RBFOX2: variants seen among roughly 807,000 people sequenced by gnomAD.
RBFOX2 encodes RNA binding protein fox-1 homolog 2.
A neutral mutation model predicts 49.1 loss-of-function variants in RBFOX2; 10 were observed. That is an observed-to-expected ratio of 0.20 (90% confidence interval 0.13 to 0.35). The LOEUF (loss-of-function observed/expected upper bound fraction) is 0.35. Among genes scored for constraint, RBFOX2 ranks in the 10% least tolerant of loss-of-function variants. The pLI is 1.00. For synonymous variants in RBFOX2, 183 were observed against 187.4 expected (o/e 0.98, Z 0.19); for missense variants, 323 against 486.9 (o/e 0.66, Z 3.17).
intron 1 of RBFOX2, among the ~76,000 whole-genome samples, chr22:35,945,253 A>C (rs2054148944): frequency 6.6e-6 from 1 of 152,226 alleles, no homozygotes; most frequent in Non-Finnish European, 1.5e-5. Flanking sequence ...GACTAAAAAA[A>C]AGCAAATCAA....
intron 1 of RBFOX2, among the ~76,000 whole-genome samples, chr22:35,951,219 G>T (rs1347137772): frequency 4.2e-5 from 6 of 143,666 alleles, no homozygotes; most frequent in African/African-American, 1.6e-4. Context: ...CTCCCAAAGT[G>T]CTGGGATTAC....
intron 1 of RBFOX2, among the ~76,000 whole-genome samples, chr22:35,877,213 G>C (rs1336510981): frequency 6.6e-6 from 1 of 151,962 alleles, no homozygotes; most frequent in African/African-American, 2.4e-5. Flanking sequence ...AAAAGAAACA[G>C]CAAGATTTAG....
At chr22:35,787,007 G>A (rs1206763588) in intron 2 of RBFOX2, among the ~76,000 whole-genome samples, 2 of 152,042 alleles carry the variant, frequency 1.3e-5, no homozygotes, top group Non-Finnish European at 1.5e-5. Flanking sequence ...TAAGAGACAC[G>A]GAAGGCTACA....
rs1201554723 is a variant in RBFOX2 at position 36,018,494 on chromosome 22, G to A, written c.186+9746C>T. On this transcript the variant is annotated intron_variant, in intron 1 of 13. Coordinates refer to the RBFOX2 transcript ENST00000438146. ...AGCCACTGGACATGGACTTGGAGGT[G>A]GAATGTGGAAAGAGACGGAGCTTGA... Among the ~76,000 whole-genome samples, 4 of 152,288 alleles carry A rather than the reference G, an allele frequency of 2.6e-5. No individual in the cohort carries two copies. The South Asian group carries it at 6.2e-4, about 24-fold the overall frequency.
upstream of RBFOX2, among the ~76,000 whole-genome samples, chr22:35,841,653 T>C (rs1318219192): frequency 6.6e-6 from 1 of 152,226 alleles, no homozygotes; most frequent in Non-Finnish European, 1.5e-5. Flanking sequence ...TATGTATTTT[T>C]AGGATATACT....
At chr22:35,956,991 C>T (rs889754989) in intron 1 of RBFOX2, among the ~76,000 whole-genome samples, 4 of 152,180 alleles carry the variant, frequency 2.6e-5, no homozygotes, top group Admixed American at 6.5e-5. Context: ...ACTACTCAGT[C>T]GTCATTACAT....
At chr22:35,987,153 A>C (rs891440131) in intron 1 of RBFOX2, among the ~76,000 whole-genome samples, 2 of 152,184 alleles carry the variant, frequency 1.3e-5, no homozygotes, top group African/African-American at 4.8e-5. Flanking sequence ...CGCTGATGCA[A>C]ATATTTCAGT....
chr22:35,915,900 C>T lies in RBFOX2; in HGVS notation c.-34+22947G>A, dbSNP rs80327540. Among the ~76,000 whole-genome samples, 14 of 152,328 alleles carry T rather than the reference C, an allele frequency of 9.2e-5. No homozygotes were observed. In the East Asian group the frequency reaches 2.3e-3, roughly 25 times the overall value. ...CTCAAAGAGGAAAGATTCCTCAATA[C>T]TGAGCACAAGCAAATCAGCTCCAGG... On this transcript the variant is annotated intron_variant, in intron 1 of 13. Coordinates refer to the RBFOX2 transcript ENST00000359369.
At chr22:35,746,237 T>TGGAGTC (rs1230507284) in intron 10 of RBFOX2, among the ~76,000 whole-genome samples, 2 of 152,142 alleles carry the variant, frequency 1.3e-5, no homozygotes, top group Non-Finnish European at 2.9e-5. Flanking sequence ...AGAGAGGGAC[T>TGGAGTC]GGAGTCAAAG....
intron 1 of RBFOX2, among the ~76,000 whole-genome samples, chr22:35,890,683 G>C (rs1002096574): frequency 1.3e-5 from 2 of 152,280 alleles, no homozygotes; most frequent in East Asian, 3.9e-4. Context: ...ATTGCAAACT[G>C]TGTGACTTTG....
At chr22:35,847,207 TAATAA>T (rs945311381) in intron 1 of RBFOX2, among the ~76,000 whole-genome samples, 4 of 152,170 alleles carry the variant, frequency 2.6e-5, no homozygotes, top group African/African-American at 9.7e-5. Context: ...AAATTATAAC[TAATAA>T]AATAATCATT....
intron 1 of RBFOX2, among the ~76,000 whole-genome samples, chr22:35,891,489 A>T (rs1475872855): frequency 1.3e-5 from 2 of 152,182 alleles, no homozygotes; most frequent in Admixed American, 1.3e-4. Context: ...AGCTGGCTCT[A>T]CCCATTATGG....
At chr22:35,883,168 T>A (rs1230151209) in intron 1 of RBFOX2, among the ~76,000 whole-genome samples, 3 of 152,218 alleles carry the variant, frequency 2.0e-5, no homozygotes, top group Non-Finnish European at 4.4e-5. Flanking sequence ...TGGCATGTGT[T>A]AGCTCCTGAG....
chr22:35,959,972 GTAGT>G lies in RBFOX2; in HGVS notation c.42+1587_42+1590del, dbSNP rs544946522. 9.2e-5 allele frequency among the ~76,000 whole-genome samples: 14 copies of G among 152,214 alleles called. No homozygotes were observed. The East Asian group carries it at 2.3e-3, about 25-fold the overall frequency. On this transcript the variant is annotated intron_variant, in intron 1 of 5. Coordinates refer to the RBFOX2 transcript ENST00000408983. Reference sequence around the variant, plus strand: ...ATACCTAATACAGTGTAAATGCTACGTAGTTATTTAGTATTTTTATTTGTATTAT... The same window carrying G: ...ATACCTAATACAGTGTAAATGCTACGTATTTAGTATTTTTATTTGTATTAT...
intron 1 of RBFOX2, among the ~76,000 whole-genome samples, chr22:35,884,041 G>A (rs1234550989): frequency 3.5e-5 from 4 of 114,942 alleles, no homozygotes; most frequent in Non-Finnish European, 6.5e-5. Flanking sequence ...ACAGGGTCTC[G>A]CTCTCTTGCT....
intron 2 of RBFOX2, among the ~76,000 whole-genome samples, chr22:35,791,337 A>G (rs945513147): frequency 1.3e-5 from 2 of 151,694 alleles, no homozygotes; most frequent in African/African-American, 2.4e-5. Flanking sequence ...GTGAGCCGAG[A>G]TCGCACCATT....
At chr22:35,945,789 A>G (rs1360043507) in intron 1 of RBFOX2, among the ~76,000 whole-genome samples, 2 of 152,158 alleles carry the variant, frequency 1.3e-5, no homozygotes, top group African/African-American at 2.4e-5. Flanking sequence ...CTTCCAAACC[A>G]TAAGAGTTCA....
chr22:35,938,784 C>T, intron 1 of RBFOX2, 63 bp downstream of exon 2: 1 of 1,473,256 alleles, frequency 6.8e-7, no homozygotes. Context: ...TCTATCATAG[C>T]AACCCTTTGA....
chr22:35,872,146 C>T (rs1043338109), intron 1 of RBFOX2, among the ~76,000 whole-genome samples: 9 of 152,164 alleles, frequency 5.9e-5, no homozygotes, highest in African/African-American at 2.2e-4. Flanking sequence ...ACTGGGGTTG[C>T]TCTTAGAATT....
Sources: gnomAD v4.1 joint callset for allele counts (sites outside exome capture counted in the v4.1 genomes callset) on GRCh38, gnomAD v4.1.1 for gene constraint, MANE v1.5 for transcripts, NCBI Gene and HGNC (gene_info 2026-07-23, HGNC 2026-07-21) for gene names.